The following RBM26 variants were observed in gnomAD, a reference collection of about 807,000 sequenced individuals.
The protein encoded by RBM26 is RNA binding motif protein 26.
RBM26 carries 30 observed loss-of-function variants against 123.6 expected under a neutral mutation model. The observed-to-expected ratio is 0.24, with a 90% CI of 0.18 to 0.33. The LOEUF is 0.33. RBM26 is among the 10% of genes least tolerant of loss of function. RBM26 has a pLI of 1.00. For synonymous variants in RBM26, 400 were observed against 404.4 expected (o/e 0.99, Z 0.13); for missense variants, 947 against 1,203.6 (o/e 0.79, Z 3.15).
chr13:79,361,918 G>A (rs2074734241), intron 9 of RBM26, among the ~76,000 whole-genome samples: 1 of 152,012 alleles, frequency 6.6e-6, no homozygotes, highest in Non-Finnish European at 1.5e-5. Context: ...TTTTAGAAAC[G>A]CACGAGAAAG....
chr13:79,315,079 C>T (rs2067024870), downstream of RBM26: 1 of 655,856 alleles, frequency 1.5e-6, no homozygotes, highest in African/African-American at 1.9e-5. Flanking sequence ...TGACCTCCAA[C>T]TTTTCTAAAC....
At chr13:79,371,401 G>GTA (rs1424594690) in intron 4 of RBM26, among the ~76,000 whole-genome samples, 1 of 152,140 alleles carries the variant, frequency 6.6e-6, no homozygotes, top group Non-Finnish European at 1.5e-5. Context: ...TTAGGCATCT[G>GTA]TAGATAAAGG....
chr13:79,371,926 G>T lies in RBM26; in HGVS notation c.332C>A (p.Thr111Asn). Residue 111 changes from threonine (T) to asparagine (N), a missense_variant, in exon 4 of 22, where the codon ACT becomes AAT. Coordinates refer to ENST00000438737, the MANE Select transcript of RBM26 (RefSeq NM_001366735.2). ...QEKDIKKEEI[T>N]KEEEREKKFS... ...CTTCTTCTCTCGCTCTTCCTCCTTA[G>T]TGATCTGATTAAAAAAAAAAAAAAA... 1.9e-6 allele frequency: 3 copies of T among 1,554,450 alleles called. No homozygotes were observed. The highest frequency in any genetic ancestry group is 2.6e-6 in the Non-Finnish European group (3 of 1,133,912).
rs1390825088 is a variant in RBM26, at chr13:79,365,659, G to A, written c.1336C>T (p.Pro446Ser). 5.0e-6 allele frequency: 8 copies of A among 1,613,738 alleles called. No homozygotes were observed. The highest frequency in any genetic ancestry group is 1.7e-5 in the Admixed American group (1 of 60,000). The stretch of plus-strand genomic sequence containing the variant: ...GCATGCACTCTGTGTCTATACATAG[G>A]TCTGGAAGTGTTTGTTATGCTTGGG... ...EAPSITNTSR[P>S]MYRHRVHAQR... The change falls in exon 9 of 22, where the codon CCT becomes TCT. Residue 446 changes from proline to serine, a missense_variant. By Grantham distance (74) the Pro-to-Ser change is moderately conservative. This residue lies in a region of RBM26 where 493 missense variants were observed against 563.1 expected (regional missense o/e 0.88). Transcript: ENST00000438737.
intron 4 of RBM26, among the ~76,000 whole-genome samples, chr13:79,371,528 A>T (rs1441492418): frequency 6.6e-6 from 1 of 152,120 alleles, no homozygotes; most frequent in African/African-American, 2.4e-5. Context: ...CTGAATGAGA[A>T]AAACAATTTA....
Position 79,344,794 on chromosome 13 carries a change from C to A in RBM26, c.2059G>T (p.Val687Leu). ...GTTAGGCCAGTAGATGTAGACAACA[C>A]CTACCAATACAAATTCAACTTTTAA... ...SKPSVSATEK[V>L]LSTSTGLTKT... The change falls in exon 15 of 22, where the codon GTG (valine) becomes TTG (leucine). Residue 687 changes from valine (V) to leucine (L), a missense_variant and splice_region_variant. Transcript: ENST00000438737. The A allele has an allele frequency of 6.2e-7, 1 of 1,608,310 alleles. No homozygotes were observed. Among genetic ancestry groups the A allele is most frequent in the Non-Finnish European group, 8.5e-7 (1 of 1,178,012 alleles).
intron 14 of RBM26, among the ~76,000 whole-genome samples, chr13:79,351,422 T>C (rs569555132): frequency 3.9e-5 from 6 of 152,154 alleles, no homozygotes; most frequent in Non-Finnish European, 7.4e-5. Flanking sequence ...GAAATACTTA[T>C]TTTCAACGAG....
intron 9 of RBM26, among the ~76,000 whole-genome samples, chr13:79,362,377 C>T (rs2074798532): frequency 1.3e-5 from 2 of 152,110 alleles, no homozygotes; most frequent in African/African-American, 4.8e-5. Flanking sequence ...CCTAGCCCAG[C>T]TACTATCACC....
At chr13:79,391,653 A>T (rs2140397703) in intron 1 of RBM26, among the ~76,000 whole-genome samples, 1 of 152,166 alleles carries the variant, frequency 6.6e-6, no homozygotes, top group African/African-American at 2.4e-5. Context: ...CGAACTCTTG[A>T]ACTCAAATGA....
intron 17 of RBM26, among the ~76,000 whole-genome samples, chr13:79,341,500 A>C (rs193180483): frequency 1.2e-3 from 190 of 152,012 alleles, no homozygotes; most frequent in Non-Finnish European, 2.4e-3. Flanking sequence ...AATTAAAGGA[A>C]ATAACTGAAA....
chr13:79,365,885 TG>T (rs1194558825), intron 8 of RBM26, 167 bp from the exon 9 acceptor site: 5 of 956,462 alleles, frequency 5.2e-6, no homozygotes, highest in Non-Finnish European at 6.1e-6. Context: ...AAAAAGAAAA[TG>T]TTTTTTTGAA....
chr13:79,348,693 T>C (rs1278312801), intron 14 of RBM26, among the ~76,000 whole-genome samples: 1 of 152,278 alleles, frequency 6.6e-6, no homozygotes, highest in Middle Eastern at 3.4e-3. Context: ...TCAGTTTTCA[T>C]AGTAAGTAGT....
At chr13:79,336,991 G>C in intron 19 of RBM26, 111 bp downstream of exon 19, 2 of 991,464 alleles carry the variant, frequency 2.0e-6, no homozygotes, top group Non-Finnish European at 3.0e-6. Flanking sequence ...TCTTTGTTCA[G>C]ATTAACGAGT....
chr13:79,373,886 T>A (rs1408715450), intron 3 of RBM26, among the ~76,000 whole-genome samples: 1 of 150,882 alleles, frequency 6.6e-6, no homozygotes, highest in African/African-American at 2.4e-5. Flanking sequence ...TTGGAAAATA[T>A]TCTCAGTGCT....
intron 3 of RBM26, 43 bp from the exon 4 acceptor site, chr13:79,371,973 T>G: frequency 7.5e-7 from 1 of 1,330,906 alleles, no homozygotes; most frequent in Non-Finnish European, 1.1e-6. Flanking sequence ...TTAGTAATTA[T>G]TCCACTGTTA....
At chr13:79,377,341 GT>G (rs754922210) in intron 3 of RBM26, 37 bp downstream of exon 3, 17 of 1,575,764 alleles carry the variant, frequency 1.1e-5, no homozygotes. Flanking sequence ...CCTCTTATGT[GT>G]TTAAATAACC....
downstream of RBM26, among the ~76,000 whole-genome samples, chr13:79,318,530 G>A (rs1015933834): frequency 1.3e-5 from 2 of 151,102 alleles, no homozygotes; most frequent in Non-Finnish European, 3.0e-5. Flanking sequence ...TAATATAATT[G>A]TAAACCTAAT....
intron 18 of RBM26, among the ~76,000 whole-genome samples, chr13:79,340,216 G>A (rs995105830): frequency 6.6e-6 from 1 of 151,702 alleles, no homozygotes; most frequent in Non-Finnish European, 1.5e-5. Context: ...ACCACATCAA[G>A]TTTCCAGAGA....
At chr13:79,402,577 G>A (rs1371609863) in intron 1 of RBM26, among the ~76,000 whole-genome samples, 1 of 151,938 alleles carries the variant, frequency 6.6e-6, no homozygotes, top group African/African-American at 2.4e-5. Flanking sequence ...TATCTCTGGA[G>A]CTTTCCACTG....
Sources: gnomAD v4.1 joint callset for allele counts (sites outside exome capture counted in the v4.1 genomes callset) on GRCh38, gnomAD v4.1.1 for gene constraint, gnomAD v4.1.1 regional missense constraint, MANE v1.5 for transcripts, NCBI Gene and HGNC (gene_info 2026-07-23, HGNC 2026-07-21) for gene names.